Variants in PCDH15 observed in about 807,000 individuals in gnomAD.
PCDH15 encodes protocadherin-15.
Under a neutral mutation model 178.5 loss-of-function variants are expected in PCDH15, and 129 were observed. The ratio of observed to expected loss-of-function variants is 0.72; its 90% CI spans 0.63 to 0.84. The LOEUF (loss-of-function observed/expected upper bound fraction) is 0.84. PCDH15 is among the 40% of genes least tolerant of loss of function. The probability of loss-of-function intolerance (pLI) is 0.00; values close to 1 mark genes in which losing one functional copy is unlikely to be tolerated. For missense variants in PCDH15, 2,230 were observed against 2,099.9 expected (o/e 1.06, Z -1.21); for synonymous variants, 800 against 732.0 (o/e 1.09, Z -1.50).
At chr10:55,288,716 G>A (rs1297544253) in intron 1 of PCDH15, among the ~76,000 whole-genome samples, 1 of 151,718 alleles carries the variant, frequency 6.6e-6, no homozygotes, top group Non-Finnish European at 1.5e-5. Flanking sequence ...TCTCCTTTTT[G>A]GTAAATACCG....
intron 15 of PCDH15, among the ~76,000 whole-genome samples, chr10:54,103,105 A>G (rs1276915740): frequency 6.6e-6 from 1 of 152,174 alleles, no homozygotes; most frequent in East Asian, 1.9e-4. Context: ...TCATTCAAGG[A>G]GTTCTGGGTC....
intron 20 of PCDH15, among the ~76,000 whole-genome samples, chr10:54,005,811 T>A (rs1259399386): frequency 6.6e-6 from 1 of 151,864 alleles, no homozygotes; most frequent in Non-Finnish European, 1.5e-5. Flanking sequence ...ACTAGATACA[T>A]GGCCAAAAGA....
At chr10:54,462,656 G>A (rs1464044346) in intron 3 of PCDH15, among the ~76,000 whole-genome samples, 9 of 141,102 alleles carry the variant, frequency 6.4e-5, no homozygotes, top group Admixed American at 5.0e-4. Flanking sequence ...TGGAAATACA[G>A]GCACGTGTCA....
chr10:54,164,083 T>C (rs1381540665), intron 13 of PCDH15, among the ~76,000 whole-genome samples: 1 of 152,174 alleles, frequency 6.6e-6, no homozygotes, highest in South Asian at 2.1e-4. Flanking sequence ...TGTGCTGCAT[T>C]CATATGCAGA....
At chr10:55,572,958 A>G (rs1268621533) in intron 2 of PCDH15, among the ~76,000 whole-genome samples, 1 of 152,056 alleles carries the variant, frequency 6.6e-6, no homozygotes, top group Non-Finnish European at 1.5e-5. Context: ...AAATACACTG[A>G]TCTGTTTGCA....
At chr10:55,026,182 G>A (rs1400948529) in intron 2 of PCDH15, among the ~76,000 whole-genome samples, 1 of 151,850 alleles carries the variant, frequency 6.6e-6, no homozygotes, top group African/African-American at 2.4e-5. Context: ...TTCTGAACAG[G>A]AAGATGAGCT....
chr10:55,370,824 T>G (rs568477658), intron 2 of PCDH15, among the ~76,000 whole-genome samples: 33 of 152,094 alleles, frequency 2.2e-4, no homozygotes, highest in Admixed American at 5.9e-4. Flanking sequence ...TCCATCCAAT[T>G]GACTCACTCT....
chr10:53,954,910 ATCAG>A (rs1246314129), intron 23 of PCDH15, among the ~76,000 whole-genome samples: 1 of 152,228 alleles, frequency 6.6e-6, no homozygotes, highest in Non-Finnish European at 1.5e-5. Context: ...ATTCTAACTA[ATCAG>A]TCATTTTAAA....
At chr10:54,886,846 T>C (rs1387386056) in intron 3 of PCDH15, among the ~76,000 whole-genome samples, 4 of 152,230 alleles carry the variant, frequency 2.6e-5, no homozygotes, top group Non-Finnish European at 5.9e-5. Context: ...AGGCAATAAA[T>C]AGGCTTTTGC....
At chr10:54,504,625 A>G (rs2081009504) in intron 3 of PCDH15, among the ~76,000 whole-genome samples, 2 of 152,160 alleles carry the variant, frequency 1.3e-5, no homozygotes, top group Non-Finnish European at 2.9e-5. Flanking sequence ...TGAATTTAGC[A>G]TTTTTACACT....
At chr10:54,681,492 GA>G (rs11284726) in intron 1 of PCDH15, among the ~76,000 whole-genome samples, 77,261 of 151,892 alleles carry the variant, frequency 0.51, 20,604 homozygotes, top group Non-Finnish European at 0.6. Flanking sequence ...GCCAAATGAA[GA>G]AAGGATTTCA....
At chr10:54,920,985 G>T (rs973693557) in intron 2 of PCDH15, among the ~76,000 whole-genome samples, 6 of 152,110 alleles carry the variant, frequency 3.9e-5, no homozygotes, top group Admixed American at 3.9e-4. Context: ...TGCCAATGAA[G>T]CCCCATTCTT....
At chr10:55,296,569 C>T (rs1285376657) in intron 1 of PCDH15, among the ~76,000 whole-genome samples, 4 of 152,122 alleles carry the variant, frequency 2.6e-5, no homozygotes, top group Admixed American at 1.3e-4. Context: ...TTTCCCATTA[C>T]TCCTATTATT....
chr10:54,638,460 T>C (rs2093913198), intron 2 of PCDH15, among the ~76,000 whole-genome samples: 4 of 152,052 alleles, frequency 2.6e-5, no homozygotes, highest in African/African-American at 7.2e-5. Context: ...GTATATCTCA[T>C]TATACTCAGT....
chr10:55,385,657 T>A (rs2132006889), intron 2 of PCDH15, among the ~76,000 whole-genome samples: 1 of 148,246 alleles, frequency 6.7e-6, no homozygotes, highest in East Asian at 2.0e-4. Context: ...TCCCTCTGTC[T>A]CTGCCTGTCT....
intron 20 of PCDH15, among the ~76,000 whole-genome samples, chr10:54,017,686 G>T (rs192212596): frequency 6.6e-6 from 1 of 151,884 alleles, no homozygotes; most frequent in East Asian, 1.9e-4. Context: ...CTAATTATTG[G>T]GTACTATATT....
Position 55,118,941 on chromosome 10 carries a change from G to A in PCDH15, c.-80+47635C>T, listed in dbSNP as rs1016178966. On this transcript the variant is annotated intron_variant, in intron 2 of 5. Coordinates refer to the PCDH15 transcript ENST00000458638. ...ACCTACTGTGGTATAGTAAGTTTTC[G>A]TTTGCCACCACATAGTGAATCCCTT... 1.7e-4 allele frequency among the ~76,000 whole-genome samples: 26 copies of A among 152,184 alleles called. No individual in the cohort carries two copies. In the East Asian group the frequency reaches 4.3e-3, roughly 25 times the overall value.
chr10:54,519,240 G>C (rs1020836472), intron 3 of PCDH15, among the ~76,000 whole-genome samples: 1 of 152,086 alleles, frequency 6.6e-6, no homozygotes, highest in Non-Finnish European at 1.5e-5. Context: ...GAAAACAAAG[G>C]GTATTCAATT....
intron 1 of PCDH15, among the ~76,000 whole-genome samples, chr10:55,287,798 A>G (rs1842908752): frequency 6.6e-6 from 1 of 152,020 alleles, no homozygotes; most frequent in African/African-American, 2.4e-5. Context: ...CCGTTAGGAC[A>G]TGCAAGAAAA....
Sources: allele counts gnomAD v4.1 joint callset (sites outside exome capture counted in the v4.1 genomes callset), GRCh38; gene constraint gnomAD v4.1.1; transcripts MANE v1.5; gene names NCBI Gene and HGNC (gene_info 2026-07-23, HGNC 2026-07-21).